DLGAP1: variants seen among roughly 807,000 people sequenced by gnomAD.
DLGAP1 encodes disks large-associated protein 1.
A neutral mutation model predicts 90.8 loss-of-function variants in DLGAP1; 11 were observed. The observed-to-expected ratio is 0.12, with a 90% confidence interval of 0.08 to 0.20. DLGAP1 has a LOEUF of 0.20. Among genes scored for constraint, DLGAP1 ranks in the 10% least tolerant of loss-of-function variants. The pLI is 1.00. For missense variants in DLGAP1, 1,050 were observed against 1,333.8 expected (o/e 0.79, Z 3.31); for synonymous variants, 558 against 540.7 (o/e 1.03, Z -0.44).
intron 1 of DLGAP1, among the ~76,000 whole-genome samples, chr18:4,252,702 G>T (rs1187524333): frequency 1.3e-5 from 2 of 152,136 alleles, no homozygotes; most frequent in Non-Finnish European, 2.9e-5. Flanking sequence ...AATTTCGACC[G>T]TAATAATTTT....
At chr18:3,630,175 C>T (rs898014449) in intron 7 of DLGAP1, among the ~76,000 whole-genome samples, 1 of 152,054 alleles carries the variant, frequency 6.6e-6, no homozygotes, top group Non-Finnish European at 1.5e-5. Flanking sequence ...GATTGCTCTC[C>T]CCAGTGTGGT....
chr18:3,637,679 C>T (rs1471492440), intron 7 of DLGAP1, among the ~76,000 whole-genome samples: 4 of 151,022 alleles, frequency 2.6e-5, no homozygotes, highest in Non-Finnish European at 5.9e-5. Flanking sequence ...CCTGGGAGGT[C>T]GAGGCTTCAA....
At chr18:4,326,423 A>G (rs2080819767) in intron 1 of DLGAP1, among the ~76,000 whole-genome samples, 2 of 152,150 alleles carry the variant, frequency 1.3e-5, no homozygotes, top group Admixed American at 1.3e-4. Flanking sequence ...CATTGTGGAA[A>G]GCAGTGTGGC....
At chr18:3,893,220 A>T (rs2071523091) in intron 3 of DLGAP1, among the ~76,000 whole-genome samples, 1 of 152,124 alleles carries the variant, frequency 6.6e-6, no homozygotes, top group Non-Finnish European at 1.5e-5. Context: ...GCTGCAAAAG[A>T]CATGGCTTCA....
At chr18:3,870,704 C>T (rs2070700195) in intron 4 of DLGAP1, among the ~76,000 whole-genome samples, 1 of 151,730 alleles carries the variant, frequency 6.6e-6, no homozygotes, top group Non-Finnish European at 1.5e-5. Context: ...AATTTTTATC[C>T]TGGAGAAGTA....
chr18:4,368,602 A>G (rs1383564822), intron 1 of DLGAP1, among the ~76,000 whole-genome samples: 1 of 150,180 alleles, frequency 6.7e-6, no homozygotes, highest in Non-Finnish European at 1.5e-5. Flanking sequence ...ATTCATATGA[A>G]CCAATTCTTT....
At chr18:4,001,456 T>C (rs988243112) in intron 3 of DLGAP1, among the ~76,000 whole-genome samples, 25 of 152,314 alleles carry the variant, frequency 1.6e-4, no homozygotes, top group Middle Eastern at 3.4e-3. Flanking sequence ...TTCTTTATGG[T>C]AGATTCGATG....
intron 1 of DLGAP1, among the ~76,000 whole-genome samples, chr18:4,186,865 A>G (rs538832699): frequency 1.1e-4 from 16 of 152,266 alleles, no homozygotes; most frequent in South Asian, 2.1e-4. Flanking sequence ...CAGTATGGCC[A>G]TTTTAATGAT....
chr18:4,031,906 A>G (rs962256543), intron 2 of DLGAP1, among the ~76,000 whole-genome samples: 6 of 152,254 alleles, frequency 3.9e-5, no homozygotes, highest in African/African-American at 1.4e-4. Context: ...CTTGACATAT[A>G]TGAAACCACA....
At chr18:3,644,405 A>AT (rs1302908411) in intron 7 of DLGAP1, among the ~76,000 whole-genome samples, 8 of 151,432 alleles carry the variant, frequency 5.3e-5, no homozygotes, top group East Asian at 3.9e-4. Context: ...ATTTTATTTT[A>AT]TTTATTTATT....
chr18:3,583,282 C>T (rs1372332974), intron 7 of DLGAP1, among the ~76,000 whole-genome samples: 1 of 148,600 alleles, frequency 6.7e-6, no homozygotes, highest in Non-Finnish European at 1.5e-5. Context: ...TCTTTCCTTC[C>T]TTCCCTCCTT....
intron 1 of DLGAP1, among the ~76,000 whole-genome samples, chr18:4,230,340 C>T (rs559429533): frequency 1.6e-4 from 25 of 152,020 alleles, no homozygotes; most frequent in Non-Finnish European, 2.4e-4. Context: ...TCTGCACTCC[C>T]GTGTTTACTG....
At chr18:3,948,632 AT>A (rs1165509912) in intron 3 of DLGAP1, among the ~76,000 whole-genome samples, 1 of 152,218 alleles carries the variant, frequency 6.6e-6, no homozygotes, top group Non-Finnish European at 1.5e-5. Flanking sequence ...AAAGGAATGA[AT>A]CAATGGCATT....
At chr18:4,199,546 C>T (rs1480538106) in intron 1 of DLGAP1, among the ~76,000 whole-genome samples, 1 of 152,152 alleles carries the variant, frequency 6.6e-6, no homozygotes, top group Non-Finnish European at 1.5e-5. Flanking sequence ...ATGTTAATAT[C>T]TTCTGGCATA....
chr18:3,757,412 T>TTAAA (rs889066899), intron 5 of DLGAP1, among the ~76,000 whole-genome samples: 110 of 151,742 alleles, frequency 7.2e-4, no homozygotes, highest in Middle Eastern at 3.4e-3. Context: ...CCACCTCAAA[T>TTAAA]TAAATAAATA....
intron 7 of DLGAP1, among the ~76,000 whole-genome samples, chr18:3,610,537 A>G (rs2057557354): frequency 6.6e-6 from 1 of 152,152 alleles, no homozygotes; most frequent in African/African-American, 2.4e-5. Flanking sequence ...TCAAGATGGT[A>G]TAAAAGCATC....
chr18:4,080,774 C>G (rs1230599060), intron 2 of DLGAP1, among the ~76,000 whole-genome samples: 1 of 152,298 alleles, frequency 6.6e-6, no homozygotes, highest in East Asian at 1.9e-4. Context: ...TTTTGCTCAT[C>G]CTGTGAGCCA....
At chr18:4,306,426 AGTGTGTGTGTGTGTGT>A (rs60225266) in intron 1 of DLGAP1, among the ~76,000 whole-genome samples, 3 of 130,336 alleles carry the variant, frequency 2.3e-5, no homozygotes, top group Non-Finnish European at 3.2e-5. Flanking sequence ...AGAAAGTAAG[AGTGTGTGTGTGTGTGT>A]GTGTGTGTGT....
rs746472062 is a variant in DLGAP1, at chr18:4,330,682, CTT to C, written c.-267+124322_-267+124323del. On this transcript the variant is annotated intron_variant, in intron 1 of 12. Coordinates refer to ENST00000315677, the MANE Select transcript of DLGAP1 (RefSeq NM_004746.4). ...AATAGTTGCCAAATTTCAAGATACTCTTTTGTTATTGATTTATAGTTTAATTT... is the reference window on the plus strand; with the variant it reads ...AATAGTTGCCAAATTTCAAGATACTCTTGTTATTGATTTATAGTTTAATTT... Among the ~76,000 whole-genome samples, 3 of 151,672 alleles carry C rather than the reference CTT, an allele frequency of 2.0e-5. No homozygotes were observed. In the East Asian group the frequency reaches 5.8e-4, roughly 29 times the overall value.
Sources: allele counts gnomAD v4.1 joint callset (sites outside exome capture counted in the v4.1 genomes callset), GRCh38; gene constraint gnomAD v4.1.1; transcripts MANE v1.5; gene names NCBI Gene and HGNC (gene_info 2026-07-23, HGNC 2026-07-21).